BRAF: variants seen among roughly 807,000 people sequenced by gnomAD.
BRAF encodes serine/threonine-protein kinase B-raf.
A neutral mutation model predicts 104.6 loss-of-function variants in BRAF; 16 were observed. The observed-to-expected ratio is 0.15, with a 90% CI of 0.10 to 0.23. BRAF has a LOEUF of 0.23. Ranked by LOEUF, BRAF falls within the 10% of genes least tolerant of loss-of-function variation. The probability of loss-of-function intolerance (pLI) is 1.00; values close to 1 mark genes in which losing one functional copy is unlikely to be tolerated. For synonymous variants in BRAF, 310 were observed against 341.6 expected (o/e 0.91, Z 1.02); for missense variants, 541 against 937.3 (o/e 0.58, Z 5.52).
chr7:140,882,487 C>T (rs1016025912), intron 1 of BRAF, among the ~76,000 whole-genome samples: 2 of 151,054 alleles, frequency 1.3e-5, no homozygotes, highest in Non-Finnish European at 2.9e-5. Flanking sequence ...AAGCAATTCT[C>T]CTTGAATTGC....
chr7:140,757,766 G>A (rs1341025517), intron 14 of BRAF, among the ~76,000 whole-genome samples: 3 of 152,016 alleles, frequency 2.0e-5, no homozygotes, highest in African/African-American at 4.8e-5. Flanking sequence ...TTTAAAGATC[G>A]GCATGCTAAT....
At chr7:140,835,109 T>C (rs1807186764) in intron 2 of BRAF, 2 of 536,442 alleles carry the variant, frequency 3.7e-6, no homozygotes, top group South Asian at 4.7e-5. Context: ...CCTATACATA[T>C]GTGATATCTA....
At chr7:140,839,531 G>C (rs934212314) in intron 2 of BRAF, among the ~76,000 whole-genome samples, 2 of 151,942 alleles carry the variant, frequency 1.3e-5, no homozygotes, top group African/African-American at 4.8e-5. Context: ...GGAGTTTGAG[G>C]CTAGCCTGGG....
intron 5 of BRAF, among the ~76,000 whole-genome samples, chr7:140,806,379 A>G (rs888045550): frequency 1.3e-5 from 2 of 152,186 alleles, no homozygotes; most frequent in Non-Finnish European, 2.9e-5. Flanking sequence ...TGTCTTATTC[A>G]TTTGTCATAT....
intron 18 of BRAF, among the ~76,000 whole-genome samples, chr7:140,737,617 TAGA>T (rs988088644): frequency 7.2e-5 from 11 of 152,234 alleles, no homozygotes; most frequent in African/African-American, 2.7e-4. Context: ...TTTTTCTATA[TAGA>T]AGTTTAAAAA....
intron 1 of BRAF, among the ~76,000 whole-genome samples, chr7:140,908,057 A>G (rs1166633145): frequency 2.0e-5 from 3 of 152,138 alleles, no homozygotes; most frequent in Non-Finnish European, 4.4e-5. Context: ...AAGTCACTTT[A>G]TAAGAGTCTT....
At chr7:140,787,280 G>A (rs1026657925) in intron 9 of BRAF, among the ~76,000 whole-genome samples, 28 of 121,396 alleles carry the variant, frequency 2.3e-4, no homozygotes, top group Non-Finnish European at 3.6e-4. Context: ...CAACCTGGGC[G>A]ACAGAGCGAG....
intron 19 of BRAF, chr7:140,733,967 A>G: frequency 9.9e-7 from 1 of 1,015,016 alleles, no homozygotes; most frequent in Non-Finnish European, 1.2e-6. Flanking sequence ...ACTCATGTCA[A>G]ACGTGCCACT....
chr7:140,766,639 G>A (rs1185799839), intron 14 of BRAF, among the ~76,000 whole-genome samples: 2 of 152,026 alleles, frequency 1.3e-5, no homozygotes, highest in Non-Finnish European at 2.9e-5. Flanking sequence ...CTGGAGTGCA[G>A]TGGTGCAATC....
downstream of BRAF, among the ~76,000 whole-genome samples, chr7:140,717,968 G>T (rs1795172418): frequency 6.6e-6 from 1 of 152,146 alleles, no homozygotes; most frequent in Non-Finnish European, 1.5e-5. Context: ...CAATCCTCCT[G>T]CCTTAGCCTT....
chr7:140,834,900 A>T, intron 2 of BRAF, 28 bp from the exon 3 acceptor site: 1 of 1,613,326 alleles, frequency 6.2e-7, no homozygotes, highest in Non-Finnish European at 8.5e-7. Flanking sequence ...CTTATATTCA[A>T]TCCGGACTTT....
intron 3 of BRAF, among the ~76,000 whole-genome samples, chr7:140,832,857 T>C (rs1375260006): frequency 6.6e-6 from 1 of 151,914 alleles, no homozygotes; most frequent in Non-Finnish European, 1.5e-5. Flanking sequence ...CTCATAAATA[T>C]GAGGAGGCTA....
intron 2 of BRAF, among the ~76,000 whole-genome samples, chr7:140,845,949 C>CAA (rs1808497371): frequency 6.6e-6 from 1 of 152,030 alleles, no homozygotes; most frequent in Non-Finnish European, 1.5e-5. Context: ...AAAGTGCTGG[C>CAA]ATTACAGGTG....
chr7:140,766,502 CCA>C (rs138082653), intron 14 of BRAF, among the ~76,000 whole-genome samples: 15,008 of 151,760 alleles, frequency 0.099, 817 homozygotes, highest in South Asian at 0.19. Context: ...GAAAGAATAC[CCA>C]CACACCTTCC....
At chr7:140,839,238 G>T (rs750357791) in intron 2 of BRAF, among the ~76,000 whole-genome samples, 1 of 152,122 alleles carries the variant, frequency 6.6e-6, no homozygotes, top group Non-Finnish European at 1.5e-5. Context: ...TCTTTGGGAG[G>T]TCAACGCTGG....
At chr7:140,878,379 C>T (rs748198943) in intron 1 of BRAF, among the ~76,000 whole-genome samples, 4 of 152,028 alleles carry the variant, frequency 2.6e-5, no homozygotes, top group Non-Finnish European at 4.4e-5. Context: ...TTAGATATGA[C>T]ACCAAAAGTA....
chr7:140,763,369 C>T (rs1307139558), intron 14 of BRAF, among the ~76,000 whole-genome samples: 2 of 138,414 alleles, frequency 1.4e-5, no homozygotes, highest in South Asian at 2.4e-4. Context: ...GACGGGGCAG[C>T]TGGCTGGGCA....
intron 14 of BRAF, 26 bp downstream of exon 13, chr7:140,776,886 C>G (rs547857147): frequency 3.7e-6 from 6 of 1,601,446 alleles, no homozygotes; most frequent in Non-Finnish European, 5.1e-6. Context: ...AAATAATTTA[C>G]AAGACATTTA....
chr7:140,766,443 A>T (rs1799329960), intron 14 of BRAF, among the ~76,000 whole-genome samples: 4 of 151,966 alleles, frequency 2.6e-5, no homozygotes, highest in Non-Finnish European at 5.9e-5. Context: ...GTATAATAAT[A>T]AAAAAAACAA....
Sources: gnomAD v4.1 joint callset for allele counts (sites outside exome capture counted in the v4.1 genomes callset) on GRCh38, gnomAD v4.1.1 for gene constraint, MANE v1.5 for transcripts, NCBI Gene and HGNC (gene_info 2026-07-23, HGNC 2026-07-21) for gene names.